PLXNB1: variants seen among roughly 807,000 people sequenced by gnomAD.
PLXNB1 encodes the protein plexin-B1.
A neutral mutation model predicts 209.4 loss-of-function variants in PLXNB1; 106 were observed. That is an observed-to-expected ratio of 0.51 (90% CI 0.43 to 0.59). The LOEUF (loss-of-function observed/expected upper bound fraction) is 0.59, where lower values mean the gene tolerates loss of function less well. Among genes scored for constraint, PLXNB1 ranks in the 20% least tolerant of loss-of-function variants. The pLI is 0.00. For synonymous variants in PLXNB1, 1,167 were observed against 1,183.2 expected, an observed-to-expected ratio of 0.99 and a Z score of 0.28; for missense variants, 2,357 against 2,853.2, an observed-to-expected ratio of 0.83 and a Z score of 3.96.
At position 48,429,866 on chromosome 3, in the gene PLXNB1, C is replaced by T. The variant is rs1010776693; in HGVS notation, c.-60+142G>A. 5 of 152,272 alleles carry T rather than the reference C, an allele frequency of 3.3e-5. No individual in the cohort carries two copies. In the East Asian group the frequency reaches 7.8e-4, roughly 24 times the overall value. 9.4% of individuals were successfully genotyped at this position (152,272 alleles called of 1,614,324 possible). A position where few individuals can be genotyped will look rare whatever the true frequency, so the allele number is the denominator to read the frequency against. On this transcript the variant is annotated intron_variant, in intron 1 of 37. Transcript: ENST00000296440. This position sits in a 1 kb window ranked among gnomAD's most constrained non-coding sequence, Gnocchi z 6.4. Reference sequence around the variant, plus strand: ...GTGGAACAGCGTCCCGGCCTCTTCCCGCCCGTCCAGAGCCGGGTAGCACCC... The same window carrying T: ...GTGGAACAGCGTCCCGGCCTCTTCCTGCCCGTCCAGAGCCGGGTAGCACCC...
At chr3:48,420,617 T>C in intron 10 of PLXNB1, 48 bp downstream of exon 10, 1 of 1,471,464 alleles carries the variant, frequency 6.8e-7, no homozygotes, top group Non-Finnish European at 9.5e-7. Flanking sequence ...ACTCTCACAC[T>C]GGGACCCCCA....
At position 48,409,357 on chromosome 3, in the gene PLXNB1, C is replaced by A. The variant is rs1251411732; in HGVS notation, c.6059G>T (p.Cys2020Phe). 1 of 1,614,176 alleles carries A rather than the reference C, an allele frequency of 6.2e-7. No individual in the cohort carries two copies. The highest frequency in any genetic ancestry group is 8.5e-7 in the Non-Finnish European group (1 of 1,180,038). The change falls in exon 34 of 38, where the codon TGC (cysteine) becomes TTC (phenylalanine). Residue 2020 changes from cysteine (C) to phenylalanine (F), a missense_variant. Cys to Phe is a radical substitution (Grantham distance 205). Around this residue, in one of 7 missense-constraint regions of PLXNB1, gnomAD observed 414 missense variants for 520.5 expected, o/e 0.80. Transcript: ENST00000296440. This position sits in a 1 kb window ranked among gnomAD's most constrained non-coding sequence, Gnocchi z 5.8. ...LVIAQTFMDA[C>F]TLADHKLGRD... ...GCCCAGCTTGTGGTCGGCCAGGGTG[C>A]AGGCGTCCATGAAGGTCTGTGCAAT... is the stretch of plus-strand genomic sequence containing the variant.
At position 48,410,200 on chromosome 3, in the gene PLXNB1, A is replaced by G; in HGVS notation, c.5605+96T>C. On this transcript the variant is annotated intron_variant, in intron 31 of 37. Transcript: ENST00000296440. The surrounding 1 kb of genome is among the most constrained non-coding windows in gnomAD (Gnocchi z 6.4). ...GAGGGATTTCCTGGGCCGAATGGAA[A>G]TAGGCACAAGCCTGCCCTGAGGCCC... The G allele has an allele frequency of 1.4e-6, 2 of 1,451,694 alleles. No individual in the cohort carries two copies. Among genetic ancestry groups the G allele is most frequent in the Middle Eastern group, 1.9e-4 (1 of 5,394 alleles). 89.9% of individuals were successfully genotyped at this position (1,451,694 alleles called of 1,614,324 possible). A position where few individuals can be genotyped will look rare whatever the true frequency, so the allele number is the denominator to read the frequency against.
At chr3:48,407,001 C>CCTCT in intron 35 of PLXNB1, 26 bp downstream of exon 35, 2 of 1,613,348 alleles carry the variant, frequency 1.2e-6, no homozygotes, top group Non-Finnish European at 1.7e-6. Context: ...CGCCCTCCAA[C>CCTCT]CTCTACCCAC....
intron 8 of PLXNB1, 51 bp downstream of exon 8, chr3:48,421,177 C>A: frequency 6.3e-7 from 1 of 1,582,386 alleles, no homozygotes; most frequent in Non-Finnish European, 8.6e-7. Context: ...CCCACCGCAT[C>A]CCCTGAAGCA....
At position 48,425,320 on chromosome 3, in the gene PLXNB1, C is replaced by T. The variant is rs2038827310; in HGVS notation, c.-46G>A. ...TGGATCAGGAGACAACAGCATGACCCGTGTGGGAGTCACCTAGCAGGCGGG... is the reference window on the plus strand; with the variant it reads ...TGGATCAGGAGACAACAGCATGACCTGTGTGGGAGTCACCTAGCAGGCGGG... On this transcript the variant is annotated 5_prime_UTR_variant, in exon 2 of 38. Coordinates refer to ENST00000296440, the MANE Select transcript of PLXNB1 (RefSeq NM_001130082.3). 6.6e-6 allele frequency: 1 copy of T among 152,190 alleles called. No homozygotes were observed. Among genetic ancestry groups the T allele is most frequent in the African/African-American group, 2.4e-5 (1 of 41,418 alleles). 9.4% of individuals were successfully genotyped at this position (152,190 alleles called of 1,614,324 possible). A position where few individuals can be genotyped will look rare whatever the true frequency, so the allele number is the denominator to read the frequency against.
At position 48,415,708 on chromosome 3, in the gene PLXNB1, G is replaced by A. The variant is rs1382597361; in HGVS notation, c.3669C>T (p.Pro1223=). 1 of 1,553,618 alleles carries A rather than the reference G, an allele frequency of 6.4e-7. No homozygotes were observed. The change falls in exon 19 of 38, where the codon CCC becomes CCT. Residue 1223 remains proline (P), a synonymous_variant. Transcript: ENST00000296440. This position sits in a 1 kb window ranked among gnomAD's most constrained non-coding sequence, Gnocchi z 5.0. ...CAGCCACAGGGAGCGTGGCAGGCGT[G>A]GGGCGTGGGCTGGTCTCACACCGCA... ...EQLRCETSPR[P]TPATLPVAVW...
Position 48,414,111 on chromosome 3 carries a change from C to G in PLXNB1, c.4210-40G>C, listed in dbSNP as rs759099372. The stretch of plus-strand genomic sequence containing the variant: ...CACCGATCAGTCACTCAGGACCCTT[C>G]CCTCAGATCCTGTCCTCCCCAAATG... On this transcript the variant is annotated intron_variant, in intron 21 of 37. Transcript: ENST00000296440. 5 of 1,596,660 alleles carry G rather than the reference C, an allele frequency of 3.1e-6. No individual in the cohort carries two copies. The South Asian group carries it at 5.5e-5, about 18-fold the overall frequency.
At chr3:48,427,945 A>G (rs2038980996) in intron 1 of PLXNB1, among the ~76,000 whole-genome samples, 1 of 152,212 alleles carries the variant, frequency 6.6e-6, no homozygotes, top group Admixed American at 6.5e-5. Flanking sequence ...TCTGACCAGT[A>G]AACATGAAAC....
chr3:48,418,821 T>C lies in PLXNB1; in HGVS notation c.2955+96A>G. The C allele has an allele frequency of 6.8e-7, 1 of 1,465,610 alleles. No individual in the cohort carries two copies. Among genetic ancestry groups the C allele is most frequent in the East Asian group, 2.3e-5 (1 of 44,050 alleles). The allele number at this position is 1,465,610 out of a possible 1,614,324, so 90.8% of individuals were successfully genotyped here. A position where few individuals can be genotyped will look rare whatever the true frequency, so the allele number is the denominator to read the frequency against. ...CCCTCAGGGCGACACGGTCAGAGCG[T>C]GGCTCTGGAAAGTGTGGTGCAGCCA... On this transcript the variant is annotated intron_variant, in intron 13 of 37. Coordinates refer to ENST00000296440, the MANE Select transcript of PLXNB1 (RefSeq NM_001130082.3). The surrounding 1 kb of genome is among the most constrained non-coding windows in gnomAD (Gnocchi z 6.6).
At position 48,419,827 on chromosome 3, in the gene PLXNB1, G is replaced by C. The variant is rs546534743; in HGVS notation, c.2459C>G (p.Pro820Arg). The C allele has an allele frequency of 6.3e-7, 1 of 1,582,346 alleles. No individual in the cohort carries two copies. Among genetic ancestry groups the C allele is most frequent in the African/African-American group, 1.3e-5 (1 of 74,676 alleles). ...GAAAGTGGTGGCAGGAACAGTGGCA[G>C]GGGGCAGGTCCAGGGGCACTGTGGG... ...LHPTVPLDLP[P>R]ATVPATTFPG... Residue 820 changes from proline to arginine, a missense_variant, in exon 11 of 38, where the codon CCT becomes CGT. Transcript: ENST00000296440. This position sits in a 1 kb window ranked among gnomAD's most constrained non-coding sequence, Gnocchi z 5.7.
rs1265524103 is a variant in PLXNB1, at chr3:48,415,844, C to A, written c.3618-85G>T. ...GGCCCCAACTGGCTTCCCTCAAGCG[C>A]TGACTGCAGTCTCCACCAGGTGTCC... On this transcript the variant is annotated intron_variant, in intron 18 of 37. Transcript: ENST00000296440. This position sits in a 1 kb window ranked among gnomAD's most constrained non-coding sequence, Gnocchi z 5.0. 5 of 1,399,562 alleles carry A rather than the reference C, an allele frequency of 3.6e-6. No individual in the cohort carries two copies. Among genetic ancestry groups the A allele is most frequent in the Non-Finnish European group, 4.8e-6 (5 of 1,033,528 alleles). 86.7% of individuals were successfully genotyped at this position (1,399,562 alleles called of 1,614,324 possible). A position where few individuals can be genotyped will look rare whatever the true frequency, so the allele number is the denominator to read the frequency against.
Position 48,421,262 on chromosome 3 carries a change from G to A in PLXNB1, c.1776C>T (p.Asp592=), listed in dbSNP as rs34087325. The change falls in exon 8 of 38, where the codon GAC becomes GAT. Residue 592 remains aspartate, a synonymous_variant. Coordinates refer to ENST00000296440, the MANE Select transcript of PLXNB1 (RefSeq NM_001130082.3). The part of the protein sequence containing the change: ...TGSGVMCPSP[D]PSEAPVLPRG... ...TCGGCAGCACTGGGGCCTCACTAGG[G>A]TCTGGGGAGGGGCACATCACACCAG... 0.012 allele frequency: 18,680 copies of A among 1,613,066 alleles called. 1,148 individuals are homozygous for A. In the African/African-American group the frequency reaches 0.17, roughly 14 times the overall value.
Position 48,416,077 on chromosome 3 carries a change from G to A in PLXNB1, c.3571C>T (p.Arg1191Trp), listed in dbSNP as rs375755801. ...ACCACCACTCGGATGTCCTCCAGCC[G>A]CCCAGTCAGGAGCTTGGAGCCATTC... ...TLNGSKLLTG[R>W]LEDIRVVVGD... The change falls in exon 18 of 38, where the codon CGG becomes TGG. Residue 1191 changes from arginine (R) to tryptophan (W), a missense_variant. By Grantham distance (101) the Arg-to-Trp change is moderately radical. Coordinates refer to ENST00000296440, the MANE Select transcript of PLXNB1 (RefSeq NM_001130082.3). This position sits in a 1 kb window ranked among gnomAD's most constrained non-coding sequence, Gnocchi z 4.1. 160 of 1,601,358 alleles carry A rather than the reference G, an allele frequency of 1.0e-4. No individual in the cohort carries two copies. Among genetic ancestry groups the A allele is most frequent in the Non-Finnish European group, 1.3e-4 (155 of 1,174,308 alleles).
At position 48,415,199 on chromosome 3, in the gene PLXNB1, C is replaced by T; in HGVS notation, c.3943G>A (p.Gly1315Arg). The T allele has an allele frequency of 6.2e-7, 1 of 1,613,338 alleles. No homozygotes were observed. Among genetic ancestry groups the T allele is most frequent in the Non-Finnish European group, 8.5e-7 (1 of 1,179,888 alleles). The change falls in exon 20 of 38, where the codon GGA (glycine) becomes AGA (arginine). Residue 1315 changes from glycine to arginine, a missense_variant. By Grantham distance (125) the Gly-to-Arg change is moderately radical. Coordinates refer to ENST00000296440, the MANE Select transcript of PLXNB1 (RefSeq NM_001130082.3). The surrounding 1 kb of genome is among the most constrained non-coding windows in gnomAD (Gnocchi z 5.0). ...RVVPETACSL[G>R]PSCSSQQFEE... Reference sequence around the variant, plus strand: ...ACTTGCTGGCTACTGCAGGAGGGTCCAAGGGAACATGCCGTCTCCGGGACC... The same window carrying T: ...ACTTGCTGGCTACTGCAGGAGGGTCTAAGGGAACATGCCGTCTCCGGGACC...
chr3:48,424,297 T>C lies in PLXNB1; in HGVS notation c.315A>G (p.Pro105=), dbSNP rs1190435592. Residue 105 remains proline (P), a synonymous_variant, in exon 3 of 38, where the codon CCA becomes CCG. Coordinates refer to ENST00000296440, the MANE Select transcript of PLXNB1 (RefSeq NM_001130082.3). The stretch of plus-strand genomic sequence containing the variant: ...CGCTCCCGCATACCACCAGGGCCCC[T>C]GGGCTCACCAGGAGCAGCTGATTCG... ...NNPNQLLLVS[P]GALVVCGSVH... is the part of the protein sequence containing the mutation. The C allele has an allele frequency of 1.9e-6, 3 of 1,572,598 alleles. No homozygotes were observed. The highest frequency in any genetic ancestry group is 3.7e-5 in the Admixed American group (2 of 53,604).
rs2037179305 is a variant in PLXNB1, at chr3:48,404,273, G to A, written c.*213C>T. On this transcript the variant is annotated 3_prime_UTR_variant, in exon 38 of 38. Transcript: ENST00000296440. ...GTCACAGGGTCGCTGGACTCGGGGA[G>A]CAGGCTGGGTACTACCCCATGAGCC... 1 of 541,324 alleles carries A rather than the reference G, an allele frequency of 1.8e-6. No homozygotes were observed. The highest frequency in any genetic ancestry group is 3.5e-5 in the Admixed American group (1 of 28,834). The allele number at this position is 541,324 out of a possible 1,614,324, so 33.5% of individuals were successfully genotyped here.
chr3:48,421,167 C>A, intron 8 of PLXNB1, 61 bp downstream of exon 8: 1 of 1,560,644 alleles, frequency 6.4e-7, no homozygotes, highest in South Asian at 1.2e-5. Context: ...ACACTTTAAC[C>A]CCACCGCATC....
intron 10 of PLXNB1, 75 bp from the exon 11 acceptor site, chr3:48,420,332 G>T: frequency 2.4e-6 from 2 of 822,926 alleles, no homozygotes; most frequent in Non-Finnish European, 1.9e-6. Context: ...GGCAGGCACA[G>T]TGTATGTTAA....
Sources: allele counts gnomAD v4.1 joint callset (sites outside exome capture counted in the v4.1 genomes callset), GRCh38; gene constraint gnomAD v4.1.1; regional missense constraint gnomAD v4.1.1; non-coding constraint Gnocchi (gnomAD v3.1); transcripts MANE v1.5; gene names NCBI Gene and HGNC (gene_info 2026-07-23, HGNC 2026-07-21).